Variants in RASGRF2 observed in about 807,000 individuals in gnomAD.
RASGRF2 encodes Ras protein specific guanine nucleotide releasing factor 2.
RASGRF2 carries 76 observed loss-of-function variants against 151.0 expected under a neutral mutation model. The observed-to-expected ratio is 0.50, with a 90% CI of 0.42 to 0.61. RASGRF2 has a LOEUF of 0.61. RASGRF2 is among the 20% of genes least tolerant of loss of function. RASGRF2 has a pLI of 0.00. For missense variants in RASGRF2, 1,148 were observed against 1,564.6 expected (o/e 0.73, Z 4.49); for synonymous variants, 504 against 566.5 (o/e 0.89, Z 1.57).
At chr5:81,149,908 G>A (rs1754095758) in intron 17 of RASGRF2, among the ~76,000 whole-genome samples, 1 of 152,196 alleles carries the variant, frequency 6.6e-6, no homozygotes, top group Non-Finnish European at 1.5e-5. Context: ...TGGGATCTAT[G>A]AGAAACTCTT....
chr5:81,025,848 A>G (rs183104532), intron 1 of RASGRF2, among the ~76,000 whole-genome samples: 24 of 152,278 alleles, frequency 1.6e-4, no homozygotes, highest in Non-Finnish European at 2.6e-4. Context: ...GATTAGTTAG[A>G]AATGGTGATA....
intron 17 of RASGRF2, among the ~76,000 whole-genome samples, chr5:81,168,786 G>A (rs1474673836): frequency 6.6e-6 from 1 of 152,156 alleles, no homozygotes; most frequent in African/African-American, 2.4e-5. Context: ...CCAGGTCACT[G>A]ACAACCGATA....
intron 12 of RASGRF2, among the ~76,000 whole-genome samples, chr5:81,104,183 G>T (rs1467072807): frequency 6.6e-6 from 1 of 152,074 alleles, no homozygotes; most frequent in Admixed American, 6.6e-5. Context: ...GAAAAATGAT[G>T]ATCTGTAGAA....
At chr5:81,067,966 A>G in intron 2 of RASGRF2, 66 bp from the exon 3 acceptor site, 1 of 1,300,336 alleles carries the variant, frequency 7.7e-7, no homozygotes, top group Non-Finnish European at 1.0e-6. Context: ...AGCATATTAT[A>G]TTCTATATGG....
At chr5:81,150,204 A>G (rs1206456190) in intron 17 of RASGRF2, among the ~76,000 whole-genome samples, 2 of 152,174 alleles carry the variant, frequency 1.3e-5, no homozygotes, top group South Asian at 2.1e-4. Flanking sequence ...TCAGAAGTAA[A>G]GAGTGGTCAA....
At chr5:81,072,096 T>C (rs1751793958) in intron 4 of RASGRF2, among the ~76,000 whole-genome samples, 1 of 152,306 alleles carries the variant, frequency 6.6e-6, no homozygotes. Flanking sequence ...AATGTCTGCA[T>C]GGAAAAAAGT....
chr5:81,136,622 G>A (rs915374960), intron 17 of RASGRF2, among the ~76,000 whole-genome samples: 3 of 152,092 alleles, frequency 2.0e-5, no homozygotes, highest in Admixed American at 2.0e-4. Context: ...ATTCTGCTTG[G>A]TGTTCTCTGA....
chr5:81,074,953 A>C (rs11741062), intron 5 of RASGRF2, among the ~76,000 whole-genome samples: 23,273 of 152,108 alleles, frequency 0.15, 2,268 homozygotes, highest in East Asian at 0.43. Context: ...TACAGCCATT[A>C]ACTTTTGCTC....
At chr5:81,223,748 TAAA>T (rs1561267894) in intron 26 of RASGRF2, among the ~76,000 whole-genome samples, 1 of 151,356 alleles carries the variant, frequency 6.6e-6, no homozygotes, top group African/African-American at 2.4e-5. Context: ...TAATACGAGA[TAAA>T]GAAGGCACTC....
intron 3 of RASGRF2, among the ~76,000 whole-genome samples, chr5:81,068,389 G>A (rs1751674347): frequency 1.3e-5 from 1 of 78,036 alleles, no homozygotes; most frequent in Admixed American, 1.4e-4. Context: ...AGGATAATGT[G>A]CTTTTTTTTT....
intron 2 of RASGRF2, among the ~76,000 whole-genome samples, chr5:81,065,134 C>T (rs1212600097): frequency 1.3e-5 from 2 of 152,106 alleles, no homozygotes; most frequent in South Asian, 4.1e-4. Flanking sequence ...ACACCGTGAT[C>T]GTAGCCTCGT....
Position 81,073,321 on chromosome 5 carries a change from G to A in RASGRF2, c.756G>A (p.Val252=). The change falls in exon 5 of 27, where the codon GTG becomes GTA. Residue 252 remains valine (V), a synonymous_variant. Transcript: ENST00000265080. ...RKRNQIVFTM[V]EAESEYVHQL... is the part of the protein sequence containing the mutation. ...GAAACCAGATTGTGTTCACCATGGT[G>A]GAGGCAGAGTCAGAGTACGTTCACC... The A allele has an allele frequency of 2.5e-6, 4 of 1,614,160 alleles. No homozygotes were observed. Among genetic ancestry groups the A allele is most frequent in the Non-Finnish European group, 3.4e-6 (4 of 1,180,008 alleles).
At chr5:81,087,204 C>T in intron 9 of RASGRF2, 1 of 703,146 alleles carries the variant, frequency 1.4e-6, no homozygotes, top group East Asian at 2.7e-5. Flanking sequence ...GGACGCTCCT[C>T]CTCAGCGGCC....
At chr5:81,220,670 A>G (rs907693848) in intron 26 of RASGRF2, among the ~76,000 whole-genome samples, 3 of 152,108 alleles carry the variant, frequency 2.0e-5, no homozygotes, top group African/African-American at 4.8e-5. Context: ...GGGTTTCACC[A>G]TGTTAGCCAG....
At chr5:80,983,780 A>G (rs960633140) in intron 1 of RASGRF2, among the ~76,000 whole-genome samples, 1 of 152,226 alleles carries the variant, frequency 6.6e-6, no homozygotes, top group Non-Finnish European at 1.5e-5. Context: ...AACCCATAAA[A>G]GAGCTCAATA....
intron 18 of RASGRF2, among the ~76,000 whole-genome samples, chr5:81,190,211 A>C (rs902605767): frequency 3.3e-5 from 5 of 152,248 alleles, no homozygotes; most frequent in African/African-American, 4.8e-5. Context: ...TAAATAGGCC[A>C]GCAACTTCAG....
At chr5:80,961,795 G>T (rs1011811419) in intron 1 of RASGRF2, among the ~76,000 whole-genome samples, 4 of 152,110 alleles carry the variant, frequency 2.6e-5, no homozygotes, top group Non-Finnish European at 5.9e-5. Flanking sequence ...TGGTCGCGGG[G>T]TGGGGGAGAA....
At chr5:81,025,320 CT>C (rs1451949570) in intron 1 of RASGRF2, among the ~76,000 whole-genome samples, 1 of 152,188 alleles carries the variant, frequency 6.6e-6, no homozygotes, top group Non-Finnish European at 1.5e-5. Flanking sequence ...GACATTAGCC[CT>C]TCCGATTCTT....
chr5:81,098,322 A>C (rs912422688), intron 12 of RASGRF2, among the ~76,000 whole-genome samples: 12 of 152,110 alleles, frequency 7.9e-5, no homozygotes, highest in Non-Finnish European at 1.8e-4. Context: ...TAGACATTTG[A>C]GTGGAGTTGA....
Sources: allele counts gnomAD v4.1 joint callset (sites outside exome capture counted in the v4.1 genomes callset), GRCh38; gene constraint gnomAD v4.1.1; transcripts MANE v1.5; gene names NCBI Gene and HGNC (gene_info 2026-07-23, HGNC 2026-07-21).